The following EDA variants were observed in gnomAD, a reference collection of about 807,000 sequenced individuals.
EDA encodes the protein ectodysplasin-A.
Under a neutral mutation model 23.6 loss-of-function variants are expected in EDA, and 2 were observed. The observed-to-expected ratio is 0.08, with a 90% CI of 0.03 to 0.27. The LOEUF is 0.27. Among genes scored for constraint, EDA ranks in the 10% least tolerant of loss-of-function variants. The probability of loss-of-function intolerance (pLI) is 1.00; values close to 1 mark genes in which losing one functional copy is unlikely to be tolerated. For missense variants in EDA, 229 were observed against 324.2 expected (o/e 0.71, Z 2.26); for synonymous variants, 131 against 132.0 (o/e 0.99, Z 0.05).
At chrX:69,679,135 C>G (rs1474936274) in intron 1 of EDA, among the ~76,000 whole-genome samples, 2 of 109,316 alleles carry the variant, frequency 1.8e-5, no homozygotes, top group Non-Finnish European at 3.8e-5. Flanking sequence ...TATTGATTTG[C>G]GTATATTGAA....
intron 1 of EDA, among the ~76,000 whole-genome samples, chrX:69,622,888 A>G (rs767244991): frequency 2.2e-4 from 25 of 111,790 alleles, no homozygotes; most frequent in Non-Finnish European, 9.4e-5. Context: ...AGATACAGAA[A>G]CTAAGCTTCA....
chrX:69,933,145 A>G (rs768631258), intron 1 of EDA, among the ~76,000 whole-genome samples: 73 of 111,322 alleles, frequency 6.6e-4, no homozygotes, highest in African/African-American at 2.3e-3. Flanking sequence ...TTTGCTCTAC[A>G]TTTATAATTA....
At chrX:69,854,668 C>T (rs767923253) in intron 1 of EDA, among the ~76,000 whole-genome samples, 4 of 112,430 alleles carry the variant, frequency 3.6e-5, no homozygotes, top group Non-Finnish European at 7.5e-5. Context: ...AAGTATTTCA[C>T]GGTGTATAGA....
rs551711762 is a variant in EDA, at chrX:69,980,625, A to G, written c.502+23493A>G. 6.2e-5 allele frequency among the ~76,000 whole-genome samples: 7 copies of G among 112,549 alleles called. No individual in the cohort carries two copies. In the South Asian group the frequency reaches 2.2e-3, roughly 35 times the overall value. Reference sequence around the variant, plus strand: ...TTTTATAAAAACTAACATCTGATTTACTTATTCTAGACTAAATAAGCCAAG... The same window carrying G: ...TTTTATAAAAACTAACATCTGATTTGCTTATTCTAGACTAAATAAGCCAAG... On this transcript the variant is annotated intron_variant, in intron 2 of 7. Transcript: ENST00000374552.
intron 1 of EDA, among the ~76,000 whole-genome samples, chrX:69,832,327 G>A (rs1453498364): frequency 9.0e-6 from 1 of 111,497 alleles, no homozygotes; most frequent in African/African-American, 3.3e-5. Context: ...TTGTCAAATT[G>A]TCAAAGATCA....
intron 1 of EDA, among the ~76,000 whole-genome samples, chrX:69,713,158 C>T (rs907124839): frequency 4.5e-5 from 5 of 111,607 alleles, no homozygotes; most frequent in Non-Finnish European, 7.5e-5. Context: ...CACATGTATA[C>T]ATACGTAACA....
chrX:69,726,759 G>C (rs1289574005), intron 1 of EDA, among the ~76,000 whole-genome samples: 1 of 112,311 alleles, frequency 8.9e-6, no homozygotes, highest in Non-Finnish European at 1.9e-5. Context: ...TGCAGGACTT[G>C]TGATGGGTGT....
At chrX:69,839,514 A>AT (rs2016851075) in intron 1 of EDA, among the ~76,000 whole-genome samples, 1 of 112,382 alleles carries the variant, frequency 8.9e-6, no homozygotes, top group African/African-American at 3.2e-5. Context: ...CATAATATGC[A>AT]CTTACTCCTC....
intron 1 of EDA, among the ~76,000 whole-genome samples, chrX:69,837,078 T>C (rs1298012324): frequency 8.9e-6 from 1 of 112,051 alleles, no homozygotes; most frequent in African/African-American, 3.2e-5. Flanking sequence ...TATATATTTA[T>C]TGGGTGCATG....
At chrX:69,787,601 G>A (rs1380569812) in intron 1 of EDA, among the ~76,000 whole-genome samples, 6 of 109,042 alleles carry the variant, frequency 5.5e-5, no homozygotes, top group East Asian at 5.7e-4. Context: ...CTTTTCTTTA[G>A]GAATGTTGAA....
chrX:69,968,248 A>C (rs2147435462), intron 2 of EDA, among the ~76,000 whole-genome samples: 1 of 112,457 alleles, frequency 8.9e-6, no homozygotes, highest in South Asian at 3.7e-4. Flanking sequence ...CAAATACATT[A>C]AATACATCTC....
chrX:69,694,658 C>T (rs956625961), intron 1 of EDA, among the ~76,000 whole-genome samples: 1 of 111,847 alleles, frequency 8.9e-6, no homozygotes, highest in East Asian at 2.8e-4. Flanking sequence ...TTCACTACAA[C>T]GTTGATGCAA....
intron 1 of EDA, among the ~76,000 whole-genome samples, chrX:69,718,354 C>T (rs755790332): frequency 9.0e-6 from 1 of 110,820 alleles, no homozygotes; most frequent in Non-Finnish European, 1.9e-5. Flanking sequence ...GTATTGAGAA[C>T]AACTATTCTT....
chrX:69,897,393 T>C (rs5936791), intron 1 of EDA, among the ~76,000 whole-genome samples: 6,685 of 111,703 alleles, frequency 0.06, 205 homozygotes, highest in Middle Eastern at 0.093. Flanking sequence ...CCATTCGCCT[T>C]TTAGAGTGAA....
chrX:69,700,108 G>A (rs1044825984), intron 1 of EDA, among the ~76,000 whole-genome samples: 1 of 110,869 alleles, frequency 9.0e-6, no homozygotes, highest in African/African-American at 3.3e-5. Flanking sequence ...TGATACCCCT[G>A]TTCTGCCAAG....
intron 1 of EDA, among the ~76,000 whole-genome samples, chrX:69,948,257 A>T (rs1424666523): frequency 8.9e-6 from 1 of 111,782 alleles, no homozygotes; most frequent in Non-Finnish European, 1.9e-5. Context: ...TTTCCTTTCT[A>T]CTTTGTAGTT....
At chrX:70,007,336 C>T (rs2147483360) in intron 2 of EDA, among the ~76,000 whole-genome samples, 1 of 111,549 alleles carries the variant, frequency 9.0e-6, no homozygotes, top group East Asian at 2.8e-4. Context: ...TTGTGGTTCC[C>T]ATAATCCATA....
intron 1 of EDA, among the ~76,000 whole-genome samples, chrX:69,948,130 A>T (rs765059843): frequency 8.9e-6 from 1 of 112,324 alleles, no homozygotes; most frequent in South Asian, 3.8e-4. Context: ...ATGTGAGGGG[A>T]TCTGTTCTGC....
chrX:69,791,676 C>T (rs1002223045), intron 1 of EDA, among the ~76,000 whole-genome samples: 19 of 110,954 alleles, frequency 1.7e-4, no homozygotes, highest in Non-Finnish European at 3.2e-4. Flanking sequence ...TGGAGTTTCA[C>T]TCTCTCATCC....
Sources: gnomAD v4.1 joint callset for allele counts (sites outside exome capture counted in the v4.1 genomes callset) on GRCh38, gnomAD v4.1.1 for gene constraint, MANE v1.5 for transcripts, NCBI Gene and HGNC (gene_info 2026-07-23, HGNC 2026-07-21) for gene names.